CASP5: variants seen among roughly 807,000 people sequenced by gnomAD.
The protein encoded by CASP5 is caspase 5.
In CASP5, 42 loss-of-function variants were observed where a neutral mutation model predicts 45.2. The ratio of observed to expected loss-of-function variants is 0.93; its 90% CI spans 0.73 to 1.20. The LOEUF (loss-of-function observed/expected upper bound fraction) is 1.20. CASP5 is among the 50% of genes most tolerant of loss of function. The probability of loss-of-function intolerance (pLI) is 0.00; values close to 1 mark genes in which losing one functional copy is unlikely to be tolerated. For synonymous variants in CASP5, 209 were observed against 186.2 expected (o/e 1.12, Z -1.00); for missense variants, 512 against 532.2 (o/e 0.96, Z 0.37).
intron 6 of CASP5, 47 bp from the exon 7 acceptor site, chr11:104,999,075 C>T: frequency 6.6e-7 from 1 of 1,521,144 alleles, no homozygotes. Flanking sequence ...CTTTAAGTTC[C>T]AGAATAGAAA....
At chr11:105,017,289 G>A (rs556054406) in intron 1 of CASP5, among the ~76,000 whole-genome samples, 35 of 152,312 alleles carry the variant, frequency 2.3e-4, no homozygotes, top group Admixed American at 6.5e-4. Flanking sequence ...CGCCAGCAAC[G>A]GAACAAAGCT....
At chr11:105,010,343 G>T (rs1862282492) in intron 1 of CASP5, among the ~76,000 whole-genome samples, 1 of 149,890 alleles carries the variant, frequency 6.7e-6, no homozygotes. Context: ...TATATCATGA[G>T]TAATTATCAT....
At chr11:104,999,621 T>A (rs908234574) in intron 6 of CASP5, among the ~76,000 whole-genome samples, 1 of 152,192 alleles carries the variant, frequency 6.6e-6, no homozygotes, top group Non-Finnish European at 1.5e-5. Context: ...CACACACACA[T>A]TTTGCTTTGT....
chr11:105,017,527 G>T (rs1376217543), intron 1 of CASP5, among the ~76,000 whole-genome samples: 1 of 151,996 alleles, frequency 6.6e-6, no homozygotes, highest in Non-Finnish European at 1.5e-5. Flanking sequence ...CTCAGGAGCC[G>T]ATGCGATCAA....
chr11:105,008,764 T>C lies in CASP5; in HGVS notation c.181+43A>G, dbSNP rs376017084. ...GCATGGGACTTATAATTGAACAGATTCTAAAAAATTGGAAATATCCATTGT... is the reference window on the plus strand; with the variant it reads ...GCATGGGACTTATAATTGAACAGATCCTAAAAAATTGGAAATATCCATTGT... On this transcript the variant is annotated intron_variant, in intron 2 of 9. Coordinates refer to ENST00000260315, the MANE Select transcript of CASP5 (RefSeq NM_004347.5). 5 of 1,407,688 alleles carry C rather than the reference T, an allele frequency of 3.6e-6. No individual in the cohort carries two copies. The African/African-American group carries it at 7.1e-5, about 20-fold the overall frequency. 87.2% of individuals were successfully genotyped at this position (1,407,688 alleles called of 1,614,324 possible).
chr11:105,015,573 T>G (rs899353506), intron 1 of CASP5, among the ~76,000 whole-genome samples: 1 of 152,186 alleles, frequency 6.6e-6, no homozygotes, highest in Non-Finnish European at 1.5e-5. Flanking sequence ...TTATAATTAT[T>G]AACCCACTTA....
At chr11:105,001,102 T>C (rs916450189) in intron 5 of CASP5, among the ~76,000 whole-genome samples, 1 of 152,190 alleles carries the variant, frequency 6.6e-6, no homozygotes, top group Non-Finnish European at 1.5e-5. Context: ...CCACAGAGGC[T>C]TTTCTGGACC....
intron 3 of CASP5, among the ~76,000 whole-genome samples, chr11:105,006,571 T>C (rs1862008627): frequency 6.6e-6 from 1 of 152,198 alleles, no homozygotes; most frequent in Admixed American, 6.5e-5. Flanking sequence ...AGAATTGTTT[T>C]ATATGCCGCT....
At chr11:105,003,430 C>A in intron 3 of CASP5, 47 bp from the exon 4 acceptor site, 2 of 982,888 alleles carry the variant, frequency 2.0e-6, no homozygotes, top group East Asian at 2.5e-5. Context: ...CCTCTGTGAC[C>A]CAATTTATCA....
intron 6 of CASP5, among the ~76,000 whole-genome samples, 200 bp from the exon 7 acceptor site, chr11:104,999,228 C>T (rs547243060): frequency 1.1e-4 from 16 of 152,176 alleles, no homozygotes; most frequent in African/African-American, 3.4e-4. Context: ...CGACTGGCCC[C>T]GGTGTGTGAT....
intron 1 of CASP5, among the ~76,000 whole-genome samples, chr11:105,022,572 G>A (rs1863026634): frequency 6.6e-6 from 1 of 152,122 alleles, no homozygotes; most frequent in Non-Finnish European, 1.5e-5. Flanking sequence ...GTTTTTGGGA[G>A]TGGGAAGACA....
In CASP5 at chr11:105,003,357, G is replaced by T. The variant is rs368566228; in HGVS notation, c.460C>A (p.Pro154Thr). Residue 154 changes from proline (P) to threonine (T), a missense_variant, in exon 4 of 10, where the codon CCT (proline) becomes ACT (threonine). Coordinates refer to ENST00000260315, the MANE Select transcript of CASP5 (RefSeq NM_004347.5). ...KPLLQIEAGP[P>T]ESAESTNILK... is the part of the protein sequence containing the mutation. Reference sequence around the variant, plus strand: ...ATATTTGTAGATTCTGCTGACTCAGGTGGTCCAGCCTCGATTTGCAGAAGA... The same window carrying T: ...ATATTTGTAGATTCTGCTGACTCAGTTGGTCCAGCCTCGATTTGCAGAAGA... 4 of 1,602,264 alleles carry T rather than the reference G, an allele frequency of 2.5e-6. No individual in the cohort carries two copies.
rs141710387 is a variant in CASP5 at position 105,022,704 on chromosome 11, A to C, written c.7+426T>G. On this transcript the variant is annotated intron_variant, in intron 1 of 9. Coordinates refer to ENST00000260315, the MANE Select transcript of CASP5 (RefSeq NM_004347.5). ...GACCAATAAGATAATTCAAGATAAG[A>C]GATGACAACACGTTGAGAACACAGA... Among the ~76,000 whole-genome samples the C allele has an allele frequency of 3.8e-3, 574 of 152,272 alleles. 3 individuals carry two copies. Among genetic ancestry groups the C allele is most frequent in the Middle Eastern group, 0.02 (6 of 294 alleles).
intron 1 of CASP5, among the ~76,000 whole-genome samples, chr11:105,019,512 A>T (rs1419996664): frequency 6.6e-6 from 1 of 151,220 alleles, no homozygotes; most frequent in Admixed American, 6.7e-5. Context: ...CTACCATCAG[A>T]GAATACTACA....
At chr11:105,016,565 C>A (rs142673679) in intron 1 of CASP5, among the ~76,000 whole-genome samples, 8,880 of 152,226 alleles carry the variant, frequency 0.058, 791 homozygotes, top group African/African-American at 0.2. Flanking sequence ...CCTGGAAAAT[C>A]GGGTCACTTC....
intron 1 of CASP5, among the ~76,000 whole-genome samples, chr11:105,013,072 A>G (rs1436673183): frequency 1.3e-5 from 2 of 152,026 alleles, no homozygotes; most frequent in South Asian, 2.1e-4. Flanking sequence ...ATAATGCAAC[A>G]GTATTCAGCT....
At position 105,002,135 on chromosome 11, in the gene CASP5, C is replaced by T; in HGVS notation, c.610G>A (p.Asp204Asn). The stretch of plus-strand genomic sequence containing the variant: ...GCCCCATTCCTTGCAGGCAGGTGAT[C>T]AAACTTTGTATTGCATATGATGAGA... ...LALIICNTKF[D>N]HLPARNGAHY... The change falls in exon 5 of 10, where the codon GAT (aspartate) becomes AAT (asparagine). Residue 204 changes from aspartate (D) to asparagine (N), a missense_variant. By Grantham distance (23) the Asp-to-Asn change is conservative. Transcript: ENST00000260315. The T allele has an allele frequency of 6.2e-7, 1 of 1,614,148 alleles. No homozygotes were observed. Among genetic ancestry groups the T allele is most frequent in the Non-Finnish European group, 8.5e-7 (1 of 1,180,008 alleles).
chr11:104,998,830 T>C, intron 7 of CASP5, 55 bp downstream of exon 7: 1 of 1,569,894 alleles, frequency 6.4e-7, no homozygotes. Flanking sequence ...CATAGAATCA[T>C]TCAAAGGTGG....
chr11:105,007,684 T>C (rs577878677), intron 2 of CASP5, among the ~76,000 whole-genome samples: 23 of 152,254 alleles, frequency 1.5e-4, no homozygotes, highest in African/African-American at 5.3e-4. Flanking sequence ...AAATGGACAC[T>C]CCCAGGACAG....
Sources: gnomAD v4.1 joint callset for allele counts (sites outside exome capture counted in the v4.1 genomes callset) on GRCh38, gnomAD v4.1.1 for gene constraint, MANE v1.5 for transcripts, NCBI Gene and HGNC (gene_info 2026-07-23, HGNC 2026-07-21) for gene names.